The following MSRA variants were observed in gnomAD, a reference collection of about 807,000 sequenced individuals.
MSRA encodes methionine sulfoxide reductase A, also known as mitochondrial peptide methionine sulfoxide reductase.
In MSRA, 54 loss-of-function variants were observed where a neutral mutation model predicts 31.3. The ratio of observed to expected loss-of-function variants is 1.73; its 90% CI spans 1.39 to 2.17. The LOEUF (loss-of-function observed/expected upper bound fraction) is 2.17. Among genes scored for constraint, MSRA ranks in the 30% most tolerant of loss-of-function variants. The pLI, the probability that MSRA is intolerant of heterozygous loss-of-function variation, is 0.00. For missense variants in MSRA, 507 were observed against 300.9 expected (o/e 1.69, Z -5.07); for synonymous variants, 169 against 116.5 (o/e 1.45, Z -2.90).
chr8:10,284,318 A>G, intron 3 of MSRA, among the ~76,000 whole-genome samples: 2 of 151,952 alleles, frequency 1.3e-5, no homozygotes, highest in Non-Finnish European at 2.9e-5. Context: ...CCTCCCGAAT[A>G]GCTGGGACTA....
chr8:10,143,547 C>T (rs755133925), intron 1 of MSRA, among the ~76,000 whole-genome samples: 4 of 152,116 alleles, frequency 2.6e-5, no homozygotes, highest in Non-Finnish European at 5.9e-5. Context: ...TCGACAATGG[C>T]ATAGATCAAA....
At chr8:10,199,708 G>T (rs1808332169) in intron 1 of MSRA, among the ~76,000 whole-genome samples, 1 of 152,188 alleles carries the variant, frequency 6.6e-6, no homozygotes, top group Non-Finnish European at 1.5e-5. Flanking sequence ...TGAGAAGGAA[G>T]AATGCCCTCT....
In MSRA at chr8:10,203,543, A is replaced by G. The variant is rs1266064385; in HGVS notation, c.143-4290A>G. On this transcript the variant is annotated intron_variant, in intron 1 of 5. Coordinates refer to ENST00000317173, the MANE Select transcript of MSRA (RefSeq NM_012331.5). ...GTAACCATGGTGACATCGTAGCACA[A>G]CACATTATTCATGTATTTTTGGTCA... Among the ~76,000 whole-genome samples, 5 of 152,342 alleles carry G rather than the reference A, an allele frequency of 3.3e-5. No homozygotes were observed. In the East Asian group the frequency reaches 9.6e-4, roughly 29 times the overall value.
At chr8:10,259,958 C>T (rs937514069) in intron 3 of MSRA, among the ~76,000 whole-genome samples, 1 of 152,248 alleles carries the variant, frequency 6.6e-6, no homozygotes, top group African/African-American at 2.4e-5. Flanking sequence ...TTGGCACAGG[C>T]CCTCTGAGGA....
chr8:10,295,602 G>T (rs192576399), intron 3 of MSRA, among the ~76,000 whole-genome samples: 23 of 152,276 alleles, frequency 1.5e-4, no homozygotes, highest in Admixed American at 7.2e-4. Flanking sequence ...CCCTGCTGGC[G>T]AAGCACCACC....
chr8:10,256,515 A>G (rs1249621256), intron 3 of MSRA, among the ~76,000 whole-genome samples: 1 of 152,250 alleles, frequency 6.6e-6, no homozygotes, highest in Non-Finnish European at 1.5e-5. Context: ...GTTGAAATGA[A>G]GTTCTACCAG....
chr8:10,054,426 C>T lies in MSRA; in HGVS notation c.-91C>T. The T allele has an allele frequency of 8.2e-7, 1 of 1,215,564 alleles. No homozygotes were observed. Among genetic ancestry groups the T allele is most frequent in the Non-Finnish European group, 1.1e-6 (1 of 945,112 alleles). The allele number at this position is 1,215,564 out of a possible 1,614,324, so 75.3% of individuals were successfully genotyped here. A position where few individuals can be genotyped will look rare whatever the true frequency, so the allele number is the denominator to read the frequency against. ...CCGCGCCCCTGCCGCCCCCCGGTTCCGGCCGCGGACCCCACTCTCTGCCGT... is the reference window on the plus strand; with the variant it reads ...CCGCGCCCCTGCCGCCCCCCGGTTCTGGCCGCGGACCCCACTCTCTGCCGT... On this transcript the variant is annotated 5_prime_UTR_variant, in exon 1 of 6. Transcript: ENST00000317173.
chr8:10,402,220 C>T (rs1807509868), intron 5 of MSRA, among the ~76,000 whole-genome samples: 1 of 152,200 alleles, frequency 6.6e-6, no homozygotes, highest in Non-Finnish European at 1.5e-5. Context: ...CCTCCCACCT[C>T]TAAACATTTG....
intron 2 of MSRA, among the ~76,000 whole-genome samples, chr8:10,224,271 T>A (rs1240086311): frequency 6.6e-6 from 1 of 152,182 alleles, no homozygotes; most frequent in African/African-American, 2.4e-5. Flanking sequence ...CGTGAAGAAC[T>A]ATGGAAATGA....
intron 3 of MSRA, among the ~76,000 whole-genome samples, chr8:10,270,499 T>C (rs1585324337): frequency 6.6e-6 from 1 of 152,206 alleles, no homozygotes; most frequent in Non-Finnish European, 1.5e-5. Flanking sequence ...AAGAGAGTTT[T>C]GCAGATGGAA....
At chr8:10,135,366 G>C (rs1319210247) in intron 1 of MSRA, among the ~76,000 whole-genome samples, 1 of 152,180 alleles carries the variant, frequency 6.6e-6, no homozygotes, top group Admixed American at 6.5e-5. Context: ...GCATGAGAGA[G>C]TTTTGCCAGT....
At chr8:10,180,358 C>T (rs926425147) in intron 1 of MSRA, among the ~76,000 whole-genome samples, 12 of 152,206 alleles carry the variant, frequency 7.9e-5, no homozygotes, top group Non-Finnish European at 1.5e-4. Flanking sequence ...GCTACCCTCC[C>T]TCACAGCACC....
intron 2 of MSRA, among the ~76,000 whole-genome samples, chr8:10,223,410 T>C (rs1047074479): frequency 1.3e-5 from 2 of 152,248 alleles, no homozygotes; most frequent in African/African-American, 4.8e-5. Flanking sequence ...CTATAATGTA[T>C]CGATGAAGTA....
At chr8:10,074,802 G>T (rs1015259914) in intron 1 of MSRA, among the ~76,000 whole-genome samples, 31 of 152,190 alleles carry the variant, frequency 2.0e-4, no homozygotes, top group African/African-American at 7.0e-4. Flanking sequence ...GAGGTTACAG[G>T]CACCTACCAC....
chr8:10,240,164 T>C (rs751506741), intron 2 of MSRA, among the ~76,000 whole-genome samples: 27 of 152,150 alleles, frequency 1.8e-4, no homozygotes, highest in Admixed American at 6.5e-4. Flanking sequence ...TAAGAACACA[T>C]CACTGGCCCT....
At chr8:10,353,391 G>A (rs1033568541) in intron 5 of MSRA, among the ~76,000 whole-genome samples, 7 of 152,196 alleles carry the variant, frequency 4.6e-5, no homozygotes, top group Admixed American at 6.5e-5. Flanking sequence ...AGGGCCGTCC[G>A]TGGCGTGTAC....
intron 5 of MSRA, among the ~76,000 whole-genome samples, chr8:10,333,813 C>A (rs951251613): frequency 1.3e-5 from 2 of 152,054 alleles, no homozygotes; most frequent in African/African-American, 4.8e-5. Flanking sequence ...CACCCCACCC[C>A]CCCCACGCTG....
intron 1 of MSRA, among the ~76,000 whole-genome samples, chr8:10,113,489 C>T (rs192710138): frequency 6.0e-5 from 9 of 151,166 alleles, no homozygotes; most frequent in East Asian, 2.0e-4. Context: ...GCAGAACTGA[C>T]GTTCATAGGT....
At chr8:10,383,189 A>G (rs1314373434) in intron 5 of MSRA, among the ~76,000 whole-genome samples, 2 of 152,194 alleles carry the variant, frequency 1.3e-5, no homozygotes, top group African/African-American at 2.4e-5. Context: ...GAAGGGCAAG[A>G]AGGCTGCAGG....
Sources: gnomAD v4.1 joint callset for allele counts (sites outside exome capture counted in the v4.1 genomes callset) on GRCh38, gnomAD v4.1.1 for gene constraint, MANE v1.5 for transcripts, NCBI Gene and HGNC (gene_info 2026-07-23, HGNC 2026-07-21) for gene names.